The following SYNE2 variants were observed in gnomAD, a reference collection of about 807,000 sequenced individuals.
SYNE2 encodes the protein spectrin repeat containing nuclear envelope protein 2, also known as nesprin-2.
In SYNE2, 431 loss-of-function variants were observed where a neutral mutation model predicts 856.3. That is an observed-to-expected ratio of 0.50 (90% CI 0.47 to 0.55). The LOEUF is 0.55. SYNE2 is among the 20% of genes least tolerant of loss of function. SYNE2 has a pLI of 0.00. For missense variants in SYNE2, 8,129 were observed against 8,023.2 expected (o/e 1.01, Z -0.50); for synonymous variants, 2,923 against 2,872.3 (o/e 1.02, Z -0.56).
chr14:64,168,424 T>C (rs2098393768), intron 92 of SYNE2, among the ~76,000 whole-genome samples: 1 of 152,214 alleles, frequency 6.6e-6, no homozygotes, highest in Non-Finnish European at 1.5e-5. Context: ...ACTGCAACTT[T>C]TTAATGTAAC....
intron 114 of SYNE2, 93 bp downstream of exon 114, chr14:64,224,640 C>T (rs1874831186): frequency 4.4e-6 from 6 of 1,371,520 alleles, no homozygotes; most frequent in Non-Finnish European, 6.2e-6. Flanking sequence ...GCCCATTAGC[C>T]ATTTCAGGAC....
At chr14:64,172,749 A>AGT (rs2098416891) in intron 94 of SYNE2, among the ~76,000 whole-genome samples, 1 of 151,980 alleles carries the variant, frequency 6.6e-6, no homozygotes, top group African/African-American at 2.4e-5. Flanking sequence ...TGTACAACAT[A>AGT]GTGAGACCCC....
At chr14:63,807,699 C>G (rs1269133915) in intron 1 of SYNE2, among the ~76,000 whole-genome samples, 2 of 146,660 alleles carry the variant, frequency 1.4e-5, no homozygotes, top group Non-Finnish European at 3.0e-5. Context: ...AGGTGTCACT[C>G]TGTTTCCCAG....
chr14:63,824,915 C>T (rs1446652967), intron 1 of SYNE2, among the ~76,000 whole-genome samples: 2 of 151,718 alleles, frequency 1.3e-5, no homozygotes, highest in Admixed American at 6.6e-5. Context: ...GGGCGGATCG[C>T]GAGGTCAGGA....
At chr14:63,892,729 C>CTTT (rs11293385) in intron 1 of SYNE2, among the ~76,000 whole-genome samples, 5 of 130,244 alleles carry the variant, frequency 3.8e-5, no homozygotes, top group African/African-American at 5.7e-5. Context: ...GGTGTACTTT[C>CTTT]TTTTTTTTTT....
Position 63,901,065 on chromosome 14 carries a change from A to C in SYNE2, c.-51-8033A>C, listed in dbSNP as rs550030801. Among the ~76,000 whole-genome samples the C allele has an allele frequency of 2.0e-5, 3 of 152,360 alleles. No individual in the cohort carries two copies. In the South Asian group the frequency reaches 6.2e-4, roughly 32 times the overall value. On this transcript the variant is annotated intron_variant, in intron 1 of 115. Coordinates refer to ENST00000555002, the MANE Select transcript of SYNE2 (RefSeq NM_182914.3). ...ATCTGTTATGATATACCTTCTGGTC[A>C]ACCTTTAAAGATAGGACAGATGCTT...
intron 16 of SYNE2, among the ~76,000 whole-genome samples, chr14:63,982,336 G>T (rs2096591726): frequency 6.6e-6 from 1 of 152,126 alleles, no homozygotes; most frequent in Non-Finnish European, 1.5e-5. Flanking sequence ...ATGACAGACA[G>T]CTGGCATTTG....
upstream of SYNE2, among the ~76,000 whole-genome samples, chr14:63,848,539 A>G (rs373825976): frequency 3.3e-5 from 5 of 152,366 alleles, no homozygotes; most frequent in South Asian, 1.0e-3. Flanking sequence ...AGGGTAAAAC[A>G]AACAAGACAT....
chr14:63,983,984 G>T (rs1045546069), intron 18 of SYNE2, 98 bp downstream of exon 18: 1 of 871,644 alleles, frequency 1.1e-6, no homozygotes, highest in Non-Finnish European at 1.8e-6. Context: ...GCTCATGCCT[G>T]TAATCCCAGC....
chr14:64,043,649 A>C (rs1170673089), intron 45 of SYNE2, among the ~76,000 whole-genome samples: 2 of 152,356 alleles, frequency 1.3e-5, no homozygotes, highest in South Asian at 2.1e-4. Context: ...TGCAAGCCCC[A>C]AGCCTTGGCA....
intron 2 of SYNE2, among the ~76,000 whole-genome samples, chr14:63,914,269 C>T (rs775815323): frequency 2.0e-4 from 30 of 152,182 alleles, no homozygotes; most frequent in Admixed American, 9.2e-4. Context: ...ATAAGTATCA[C>T]AGGACTTTAA....
intron 1 of SYNE2, among the ~76,000 whole-genome samples, chr14:63,784,769 C>T (rs941772480): frequency 1.3e-5 from 2 of 151,930 alleles, no homozygotes; most frequent in South Asian, 4.2e-4. Flanking sequence ...CCCAGGAGTT[C>T]GAGACCAGCC....
At chr14:64,058,839 AT>A (rs2097294109) in intron 49 of SYNE2, among the ~76,000 whole-genome samples, 1 of 151,644 alleles carries the variant, frequency 6.6e-6, no homozygotes, top group South Asian at 2.1e-4. Context: ...GGCATGCTTT[AT>A]TTTTTTCTAT....
chr14:63,832,866 CAA>C (rs36099684), intron 1 of SYNE2, among the ~76,000 whole-genome samples: 2 of 64,742 alleles, frequency 3.1e-5, no homozygotes. Context: ...CTGTCTCTAC[CAA>C]AAAAAAAAAA....
Position 63,828,268 on chromosome 14 carries a change from A to T in SYNE2, c.-304-24233A>T, listed in dbSNP as rs111709626. On this transcript the variant is annotated intron_variant, in intron 1 of 23. Coordinates refer to the SYNE2 transcript ENST00000674003. The stretch of plus-strand genomic sequence containing the variant: ...ACAACAATAAAAAATAATACAAATT[A>T]AAAAATACAGTACAACACCTAGTTA... Among the ~76,000 whole-genome samples, 287 of 152,250 alleles carry T rather than the reference A, an allele frequency of 1.9e-3. 4 individuals are homozygous for T. The highest frequency in any genetic ancestry group is 6.2e-3 in the African/African-American group (256 of 41,570).
chr14:64,181,431 T>G (rs898757473), intron 96 of SYNE2, among the ~76,000 whole-genome samples: 1 of 152,214 alleles, frequency 6.6e-6, no homozygotes, highest in South Asian at 2.1e-4. Flanking sequence ...GAACATGAAA[T>G]GTAAACCCTT....
chr14:64,211,837 T>A, intron 103 of SYNE2, 124 bp from the exon 104 acceptor site: 1 of 1,417,458 alleles, frequency 7.1e-7, no homozygotes, highest in Non-Finnish European at 9.9e-7. Context: ...CTGGGTACCC[T>A]AGAGGCAGAT....
chr14:63,791,714 T>C lies in SYNE2; in HGVS notation c.-305+29728T>C, dbSNP rs1024858303. ...ATCCCAGCACTTTGGGAGGCTGAGGTGGGAGGATCATGAGGTCAGGAGATT... is the reference window on the plus strand; with the variant it reads ...ATCCCAGCACTTTGGGAGGCTGAGGCGGGAGGATCATGAGGTCAGGAGATT... On this transcript the variant is annotated intron_variant, in intron 1 of 23. Coordinates refer to the SYNE2 transcript ENST00000674003. Among the ~76,000 whole-genome samples, 10 of 151,442 alleles carry C rather than the reference T, an allele frequency of 6.6e-5. No individual in the cohort carries two copies. In the South Asian group the frequency reaches 1.3e-3, roughly 19 times the overall value.
rs1241002376 is a variant in SYNE2, at chr14:64,215,887, A to C, written c.19403-361A>C. ...AGCCCTGAGGAGCCTTTTGGTTCCCAAGTCCATCTTGATGTTCACTCTTCC... is the reference window on the plus strand; with the variant it reads ...AGCCCTGAGGAGCCTTTTGGTTCCCCAGTCCATCTTGATGTTCACTCTTCC... On this transcript the variant is annotated intron_variant, in intron 107 of 115. Transcript: ENST00000555002. The C allele has an allele frequency of 4.9e-6, 6 of 1,234,650 alleles. No homozygotes were observed. In the Admixed American group the frequency reaches 2.0e-4, roughly 42 times the overall value. The allele number at this position is 1,234,650 out of a possible 1,614,324, so 76.5% of individuals were successfully genotyped here. A position where few individuals can be genotyped will look rare whatever the true frequency, so the allele number is the denominator to read the frequency against.
Sources: gnomAD v4.1 joint callset for allele counts (sites outside exome capture counted in the v4.1 genomes callset) on GRCh38, gnomAD v4.1.1 for gene constraint, MANE v1.5 for transcripts, NCBI Gene and HGNC (gene_info 2026-07-23, HGNC 2026-07-21) for gene names.